Variants in PHF24 observed in about 807,000 individuals in gnomAD.
PHF24 encodes Galpha inhibitory interacting protein.
In PHF24, 25 loss-of-function variants were observed where a neutral mutation model predicts 42.6. The observed-to-expected ratio is 0.59, with a 90% CI of 0.43 to 0.82. The LOEUF (loss-of-function observed/expected upper bound fraction) is 0.82, where lower values mean the gene tolerates loss of function less well. Ranked by LOEUF, PHF24 falls within the 40% of genes least tolerant of loss-of-function variation. The pLI is 0.00. For synonymous variants in PHF24, 185 were observed against 204.8 expected (o/e 0.90, Z 0.83); for missense variants, 470 against 538.1 (o/e 0.87, Z 1.25).
the PHF24 span, among the ~76,000 whole-genome samples, chr9:34,823,475 T>C: frequency 2.8e-3 from 430 of 152,310 alleles, 5 homozygotes; most frequent in Non-Finnish European, 2.2e-3. Context: ...GGTCCCATCC[T>C]TGCCTACCTT....
the PHF24 span, among the ~76,000 whole-genome samples, chr9:34,903,041 TG>T: frequency 6.6e-6 from 1 of 152,180 alleles, no homozygotes; most frequent in Non-Finnish European, 1.5e-5. Context: ...CCTCATTCAG[TG>T]CTTACCACCA....
chr9:34,899,777 G>T, the PHF24 span, among the ~76,000 whole-genome samples: 3 of 152,152 alleles, frequency 2.0e-5, no homozygotes, highest in Non-Finnish European at 4.4e-5. Context: ...AATATGCCTA[G>T]TCCTGTGACA....
chr9:34,752,774 G>A, the PHF24 span, among the ~76,000 whole-genome samples: 6 of 152,126 alleles, frequency 3.9e-5, no homozygotes, highest in South Asian at 8.3e-4. Context: ...GAACATTACC[G>A]GAAATGTCAT....
the PHF24 span, among the ~76,000 whole-genome samples, chr9:34,821,884 A>G: frequency 6.6e-6 from 1 of 152,194 alleles, no homozygotes; most frequent in Non-Finnish European, 1.5e-5. Flanking sequence ...ACCAGCTCTC[A>G]TACTCAATAA....
At chr9:34,771,191 T>C in the PHF24 span, among the ~76,000 whole-genome samples, 7 of 152,206 alleles carry the variant, frequency 4.6e-5, no homozygotes, top group African/African-American at 1.7e-4. Context: ...TTCTGACAAA[T>C]GAGTCACTGG....
the PHF24 span, chr9:34,689,952 C>G: frequency 6.2e-7 from 1 of 1,614,086 alleles, no homozygotes; most frequent in Non-Finnish European, 8.5e-7. This position sits in a 1 kb window ranked among gnomAD's most constrained non-coding sequence, Gnocchi z 4.1. Flanking sequence ...CCTCTGCAGT[C>G]TCTGGATGAT....
At chr9:34,718,567 G>C in the PHF24 span, among the ~76,000 whole-genome samples, 2 of 152,214 alleles carry the variant, frequency 1.3e-5, no homozygotes, top group African/African-American at 2.4e-5. Flanking sequence ...TCCATCTATG[G>C]TAGGCCTGGC....
the PHF24 span, among the ~76,000 whole-genome samples, chr9:34,927,517 A>C: frequency 6.6e-6 from 1 of 152,106 alleles, no homozygotes; most frequent in Non-Finnish European, 1.5e-5. Context: ...GCAGCTCTTC[A>C]AACTGGGCTC....
At chr9:34,874,009 T>A in the PHF24 span, among the ~76,000 whole-genome samples, 1 of 152,202 alleles carries the variant, frequency 6.6e-6, no homozygotes, top group African/African-American at 2.4e-5. Flanking sequence ...CTGTTACTGG[T>A]GTATAAGAAT....
chr9:34,690,466 GTGTC>G, the PHF24 span: 16 of 871,262 alleles, frequency 1.8e-5, no homozygotes, highest in Non-Finnish European at 2.8e-5. Flanking sequence ...GTGTGTGTGT[GTGTC>G]TGGTGGGGTC....
At chr9:34,785,044 G>A in the PHF24 span, among the ~76,000 whole-genome samples, 4 of 152,332 alleles carry the variant, frequency 2.6e-5, no homozygotes, top group South Asian at 8.3e-4. Context: ...TTGCGTTCCT[G>A]TAACAAGATG....
chr9:34,754,907 T>C, the PHF24 span, among the ~76,000 whole-genome samples: 1 of 152,184 alleles, frequency 6.6e-6, no homozygotes, highest in Admixed American at 6.5e-5. Context: ...TGCAACAACA[T>C]GGTTGTAACT....
chr9:34,769,801 A>G, the PHF24 span, among the ~76,000 whole-genome samples: 1 of 152,204 alleles, frequency 6.6e-6, no homozygotes, highest in Non-Finnish European at 1.5e-5. Context: ...TCAAATCAGT[A>G]GAATAAACAT....
chr9:34,890,458 G>A, the PHF24 span, among the ~76,000 whole-genome samples: 1 of 152,180 alleles, frequency 6.6e-6, no homozygotes, highest in African/African-American at 2.4e-5. Context: ...CCTCTGTCAT[G>A]TCTCCACTGG....
At chr9:34,835,248 A>G in the PHF24 span, 1 of 1,552,290 alleles carries the variant, frequency 6.4e-7, no homozygotes, top group Non-Finnish European at 8.7e-7. Context: ...ATGGTCTCAG[A>G]TCTGTGAAGA....
chr9:34,855,182 G>T, the PHF24 span, among the ~76,000 whole-genome samples: 1 of 152,124 alleles, frequency 6.6e-6, no homozygotes, highest in Non-Finnish European at 1.5e-5. Flanking sequence ...CACATTAGAT[G>T]GGTCTCTTGA....
At chr9:34,936,218 G>A in the PHF24 span, among the ~76,000 whole-genome samples, 4 of 152,166 alleles carry the variant, frequency 2.6e-5, no homozygotes, top group Non-Finnish European at 4.4e-5. Flanking sequence ...GCAGGCGCGC[G>A]CCGCCACGCC....
the PHF24 span, among the ~76,000 whole-genome samples, chr9:34,767,360 G>T: frequency 1.3e-5 from 2 of 152,246 alleles, no homozygotes; most frequent in African/African-American, 4.8e-5. Flanking sequence ...GCTCCACCCA[G>T]TTCGAGCTTC....
the PHF24 span, chr9:34,917,138 C>A: frequency 1.0e-6 from 1 of 973,330 alleles, no homozygotes; most frequent in Non-Finnish European, 1.7e-6. Flanking sequence ...CCTACCTTTA[C>A]CGGCCCGTCT....
Sources: gnomAD v4.1 joint callset for allele counts (sites outside exome capture counted in the v4.1 genomes callset) on GRCh38, gnomAD v4.1.1 for gene constraint, Gnocchi (gnomAD v3.1) non-coding constraint, MANE v1.5 for transcripts, NCBI Gene and HGNC (gene_info 2026-07-23, HGNC 2026-07-21) for gene names.